CDK15: variants seen among roughly 807,000 people sequenced by gnomAD.
CDK15 encodes cyclin dependent kinase 15, also known as cyclin-dependent kinase 15.
A neutral mutation model predicts 60.3 loss-of-function variants in CDK15; 62 were observed. The ratio of observed to expected loss-of-function variants is 1.03; its 90% CI spans 0.84 to 1.27. The LOEUF (loss-of-function observed/expected upper bound fraction) is 1.27, where lower values mean the gene tolerates loss of function less well. Among genes scored for constraint, CDK15 ranks in the 50% most tolerant of loss-of-function variants. The pLI is 0.00. For missense variants in CDK15, 541 were observed against 527.8 expected (o/e 1.03, Z -0.25); for synonymous variants, 194 against 195.7 (o/e 0.99, Z 0.07).
intron 9 of CDK15, chr2:201,854,616 T>C (rs982565945): frequency 4.2e-6 from 2 of 479,292 alleles, no homozygotes; most frequent in East Asian, 3.2e-5. Flanking sequence ...CAAGGCTGTA[T>C]GATCTGCCTC....
At chr2:201,837,510 G>A (rs540788957) in intron 8 of CDK15, among the ~76,000 whole-genome samples, 37 of 134,356 alleles carry the variant, frequency 2.8e-4, no homozygotes, top group African/African-American at 9.2e-4. Flanking sequence ...AAGGAAGGAA[G>A]GAAAGAAGGA....
At chr2:201,839,519 A>T (rs1254425026) in intron 8 of CDK15, among the ~76,000 whole-genome samples, 1 of 152,182 alleles carries the variant, frequency 6.6e-6, no homozygotes, top group South Asian at 2.1e-4. Flanking sequence ...GGGGTATTGG[A>T]TGAATGTTAA....
chr2:201,844,347 A>G (rs1220033490), intron 8 of CDK15, among the ~76,000 whole-genome samples: 3 of 152,162 alleles, frequency 2.0e-5, no homozygotes, highest in Non-Finnish European at 4.4e-5. Flanking sequence ...CCCACTAACT[A>G]GGTTTCTCAG....
intron 10 of CDK15, among the ~76,000 whole-genome samples, chr2:201,869,925 A>G (rs994732522): frequency 1.6e-4 from 24 of 152,238 alleles, no homozygotes; most frequent in Admixed American, 9.8e-4. Flanking sequence ...AATGCCAGAT[A>G]TTCTTATCTT....
At chr2:201,879,635 C>G (rs1699200927) in intron 11 of CDK15, among the ~76,000 whole-genome samples, 1 of 152,206 alleles carries the variant, frequency 6.6e-6, no homozygotes, top group Non-Finnish European at 1.5e-5. Context: ...CTACCTCAGC[C>G]TCTCAGAGTT....
chr2:201,847,456 G>A lies in CDK15; in HGVS notation c.927G>A (p.Gln309=). The A allele has an allele frequency of 6.2e-7, 1 of 1,613,984 alleles. No individual in the cohort carries two copies. The highest frequency in any genetic ancestry group is 1.3e-5 in the African/African-American group (1 of 75,042). ...CTGGGGTTTCCAACATCCTTGAACA[G>A]CTGGAGAAAATCTGGGAGGTAGGAG... The part of the protein sequence containing the change: ...LFPGVSNILE[Q]LEKIWEVLGV... Residue 309 remains glutamine (Q), a synonymous_variant, in exon 9 of 14, where the codon CAG becomes CAA. Coordinates refer to ENST00000652192, the MANE Select transcript of CDK15 (RefSeq NM_001366386.2).
intron 3 of CDK15, among the ~76,000 whole-genome samples, chr2:201,808,476 T>C (rs1025161740): frequency 1.3e-5 from 2 of 152,204 alleles, no homozygotes; most frequent in Non-Finnish European, 2.9e-5. Flanking sequence ...ATACACAAAA[T>C]GTCTGGAGAA....
chr2:201,829,963 T>C (rs1398039875), intron 6 of CDK15, among the ~76,000 whole-genome samples: 1 of 151,846 alleles, frequency 6.6e-6, no homozygotes, highest in Non-Finnish European at 1.5e-5. Context: ...ACCCACCACC[T>C]CACCTGACTA....
intron 6 of CDK15, among the ~76,000 whole-genome samples, chr2:201,832,038 A>G (rs1232394692): frequency 6.7e-6 from 1 of 149,924 alleles, no homozygotes; most frequent in Non-Finnish European, 1.5e-5. Context: ...AGTCCTGCAT[A>G]TTGAAAAACA....
intron 1 of CDK15, 28 bp downstream of exon 1, chr2:201,806,815 TTCTC>T (rs751954169): frequency 1.2e-5 from 19 of 1,596,206 alleles, no homozygotes; most frequent in African/African-American, 8.0e-5. Context: ...GAGAGCATCT[TTCTC>T]TATTGATAAA....
chr2:201,823,328 T>C (rs6435108), intron 5 of CDK15, among the ~76,000 whole-genome samples: 151,279 of 152,338 alleles, frequency 0.99, 75,117 homozygotes, highest in Middle Eastern at 1. Context: ...TTTAAATAAG[T>C]AGAAAGAACT....
rs752361287 is a variant in CDK15 at position 201,838,695 on chromosome 2, C to T, written c.851+2932C>T. Among the ~76,000 whole-genome samples the T allele has an allele frequency of 3.0e-4, 45 of 152,264 alleles. 1 individual carries two copies. In the South Asian group the frequency reaches 6.0e-3, roughly 20 times the overall value. On this transcript the variant is annotated intron_variant, in intron 8 of 13. Coordinates refer to ENST00000652192, the MANE Select transcript of CDK15 (RefSeq NM_001366386.2). ...CTGCTGGGATTACAGGTATAAGCCACCGTGCCCAACCAATTAAGAAGCTTA... is the reference window on the plus strand; with the variant it reads ...CTGCTGGGATTACAGGTATAAGCCATCGTGCCCAACCAATTAAGAAGCTTA...
chr2:201,808,394 A>G (rs559203836), intron 3 of CDK15, among the ~76,000 whole-genome samples: 2 of 152,238 alleles, frequency 1.3e-5, no homozygotes, highest in South Asian at 4.1e-4. Flanking sequence ...TTATAGAAGA[A>G]ACTGAAGTTG....
chr2:201,837,485 AGG>A (rs1697178429), intron 8 of CDK15, among the ~76,000 whole-genome samples: 10 of 145,574 alleles, frequency 6.9e-5, no homozygotes, highest in South Asian at 2.4e-4. Flanking sequence ...GAAGGAAGGA[AGG>A]AAGGAAGGAA....
chr2:201,882,567 G>A lies in CDK15; in HGVS notation c.1198+2400G>A, dbSNP rs915155001. On this transcript the variant is annotated intron_variant, in intron 12 of 13. Transcript: ENST00000652192. The surrounding 1 kb of genome is among the most constrained non-coding windows in gnomAD (Gnocchi z 4.0). ...CAAGCATTTCCTGCAGCGACATCTC[G>A]AATCCCCGAGGGAGAAGATGAAAGC... is the stretch of plus-strand genomic sequence containing the variant. Among the ~76,000 whole-genome samples, 16 of 151,964 alleles carry A rather than the reference G, an allele frequency of 1.1e-4. No individual in the cohort carries two copies. The South Asian group carries it at 1.7e-3, about 16-fold the overall frequency.
intron 3 of CDK15, chr2:201,808,857 T>C (rs961834406): frequency 6.6e-6 from 1 of 151,870 alleles, no homozygotes; most frequent in Non-Finnish European, 1.5e-5. Context: ...TATGCTGTTA[T>C]TATTATTTTT....
chr2:201,861,549 T>G, intron 10 of CDK15: 2 of 971,058 alleles, frequency 2.1e-6, no homozygotes, highest in Non-Finnish European at 2.4e-6. Context: ...TTTTGTTGGT[T>G]TGTTTTTTTT....
rs1699304221 is a variant in CDK15 at position 201,882,226 on chromosome 2, A to G, written c.1198+2059A>G. 6.6e-6 allele frequency among the ~76,000 whole-genome samples: 1 copy of G among 151,192 alleles called. No individual in the cohort carries two copies. Among genetic ancestry groups the G allele is most frequent in the African/African-American group, 2.4e-5 (1 of 41,146 alleles). On this transcript the variant is annotated intron_variant, in intron 12 of 13. Coordinates refer to ENST00000652192, the MANE Select transcript of CDK15 (RefSeq NM_001366386.2). This position sits in a 1 kb window ranked among gnomAD's most constrained non-coding sequence, Gnocchi z 4.0. ...GTGTGTGTGTGTGTGTGAGAGAGAG[A>G]CAGAGAGAACAATCTGTATTCCTTC...
chr2:201,811,154 C>CT (rs61361602), intron 3 of CDK15, among the ~76,000 whole-genome samples: 60 of 138,702 alleles, frequency 4.3e-4, no homozygotes, highest in African/African-American at 1.2e-3. Flanking sequence ...AGGGTATGCA[C>CT]TTTTTTTTTT....
Sources: allele counts gnomAD v4.1 joint callset (sites outside exome capture counted in the v4.1 genomes callset), GRCh38; gene constraint gnomAD v4.1.1; non-coding constraint Gnocchi (gnomAD v3.1); transcripts MANE v1.5; gene names NCBI Gene and HGNC (gene_info 2026-07-23, HGNC 2026-07-21).